Variants in CD163L1 observed in about 807,000 individuals in gnomAD.
CD163L1 encodes the protein scavenger receptor cysteine-rich type 1 protein M160.
A neutral mutation model predicts 165.4 loss-of-function variants in CD163L1; 124 were observed. That is an observed-to-expected ratio of 0.75 (90% CI 0.65 to 0.87). The LOEUF is 0.87. CD163L1 is among the 40% of genes least tolerant of loss of function. The pLI is 0.00. For synonymous variants in CD163L1, 585 were observed against 662.2 expected, an observed-to-expected ratio of 0.88 and a Z score of 1.79; for missense variants, 1,525 against 1,799.9, an observed-to-expected ratio of 0.85 and a Z score of 2.76.
the CD163L1 span, chr12:7,323,093 C>T: frequency 1.4e-5 from 10 of 738,710 alleles, no homozygotes; most frequent in Middle Eastern, 3.9e-4. Flanking sequence ...TTGAGAACTA[C>T]TGGTTTCAAA....
At chr12:7,392,746 C>T (rs987629201) in intron 8 of CD163L1, among the ~76,000 whole-genome samples, 1 of 152,120 alleles carries the variant, frequency 6.6e-6, no homozygotes, top group South Asian at 2.1e-4. Flanking sequence ...AATATCACCA[C>T]CAATCCCAAA....
the CD163L1 span, among the ~76,000 whole-genome samples, chr12:7,341,559 A>G: frequency 6.6e-6 from 1 of 152,234 alleles, no homozygotes; most frequent in Non-Finnish European, 1.5e-5. Context: ...AAATTTTTAC[A>G]ATCTGTATCT....
chr12:7,361,752 T>G (rs950392315), intron 18 of CD163L1, among the ~76,000 whole-genome samples: 1 of 152,202 alleles, frequency 6.6e-6, no homozygotes, highest in South Asian at 2.1e-4. Flanking sequence ...TTCTTTTCAA[T>G]GTGTTATTTA....
At position 7,433,618 on chromosome 12, in the gene CD163L1, T is replaced by C. The variant is rs1948668328; in HGVS notation, c.201A>G (p.Gly67=). The C allele has an allele frequency of 6.2e-7, 1 of 1,614,036 alleles. No individual in the cohort carries two copies. The highest frequency in any genetic ancestry group is 8.5e-7 in the Non-Finnish European group (1 of 1,179,970). ...CATCATCACACACAGTCCCCCACTG[T>C]CCCTGGAATTTCACCTCCACTGTCC... The part of the protein sequence containing the change: ...CSGTVEVKFQ[G]QWGTVCDDGW... The change falls in exon 3 of 20, where the codon GGA becomes GGG. Residue 67 remains glycine (G), a synonymous_variant. Coordinates refer to ENST00000313599, the MANE Select transcript of CD163L1 (RefSeq NM_174941.6).
At chr12:7,411,473 C>G (rs1418112012) in intron 4 of CD163L1, among the ~76,000 whole-genome samples, 1 of 152,130 alleles carries the variant, frequency 6.6e-6, no homozygotes, top group African/African-American at 2.4e-5. Flanking sequence ...GCTTTGTGCC[C>G]TCCCTGCAGT....
intron 4 of CD163L1, among the ~76,000 whole-genome samples, chr12:7,424,272 C>A (rs1353518577): frequency 2.5e-5 from 3 of 120,410 alleles, no homozygotes; most frequent in Non-Finnish European, 5.1e-5. Flanking sequence ...CAATAAAATT[C>A]AACATCCCTT....
intron 17 of CD163L1, 109 bp from the exon 18 acceptor site, chr12:7,367,440 C>G (rs998587402): frequency 1.7e-6 from 1 of 580,694 alleles, no homozygotes; most frequent in African/African-American, 1.8e-5. Flanking sequence ...GAGCTAAAAT[C>G]CAATGGCTCT....
Position 7,403,537 on chromosome 12 carries a change from G to T in CD163L1, c.1406C>A (p.Ser469Tyr), listed in dbSNP as rs1947953107. 3 of 1,610,120 alleles carry T rather than the reference G, an allele frequency of 1.9e-6. No individual in the cohort carries two copies. The highest frequency in any genetic ancestry group is 2.5e-6 in the Non-Finnish European group (3 of 1,178,078). The change falls in exon 6 of 20, where the codon TCT becomes TAT. Residue 469 changes from serine (S) to tyrosine (Y), a missense_variant and splice_region_variant. Physicochemically the swap from Ser to Tyr is moderately radical, Grantham distance 144. Transcript: ENST00000313599. Reference protein sequence around the residue: ...FRRSDAGVICSDKADLDLRLV... With the variant: ...FRRSDAGVICYDKADLDLRLV... ...CTCTCATGATCTTTGAACCTTACCA[G>T]AACAAATTACTCCAGCATCTGATCT...
Position 7,368,932 on chromosome 12 carries a change from C to T in CD163L1, c.4072+1G>A, listed in dbSNP as rs770990028. On this transcript the variant is annotated splice_donor_variant, in intron 16 of 19. Coordinates refer to ENST00000313599, the MANE Select transcript of CD163L1 (RefSeq NM_174941.6). LOFTEE classifies it high-confidence loss of function. This position sits in a 1 kb window ranked among gnomAD's most constrained non-coding sequence, Gnocchi z 4.3. ...CAGCACTGATAGGCAGAAGACTATA[C>T]CTGAGGAGGCATTCAGTGATTTCAG... 5 of 1,613,420 alleles carry T rather than the reference C, an allele frequency of 3.1e-6. No homozygotes were observed. Among genetic ancestry groups the T allele is most frequent in the East Asian group, 4.5e-5 (2 of 44,838 alleles).
At chr12:7,342,703 G>A (rs1314880861), downstream of CD163L1, among the ~76,000 whole-genome samples, 10 of 152,162 alleles carry the variant, frequency 6.6e-5, no homozygotes, top group Admixed American at 2.6e-4. Flanking sequence ...GCACGATCAC[G>A]GCTCACTGCA....
In CD163L1 at chr12:7,369,691, C is replaced by T; in HGVS notation, c.3731-26G>A. 1 of 1,592,660 alleles carries T rather than the reference C, an allele frequency of 6.3e-7. No homozygotes were observed. ...CTACAAAGGCACAAAACATGGCTGT[C>T]TTTACTCCTGAAGGAGGTTGTGGGA... On this transcript the variant is annotated intron_variant, in intron 14 of 19. Coordinates refer to ENST00000313599, the MANE Select transcript of CD163L1 (RefSeq NM_174941.6). The surrounding 1 kb of genome is among the most constrained non-coding windows in gnomAD (Gnocchi z 4.9).
the CD163L1 span, among the ~76,000 whole-genome samples, chr12:7,323,739 C>G: frequency 6.6e-6 from 1 of 152,084 alleles, no homozygotes; most frequent in African/African-American, 2.4e-5. Flanking sequence ...TGTAAGAAAC[C>G]AGTTGCAGTG....
chr12:7,377,211 TGACTCTCCCATGACCTTC>T (rs1231902564), intron 9 of CD163L1, among the ~76,000 whole-genome samples: 2 of 152,252 alleles, frequency 1.3e-5, no homozygotes, highest in African/African-American at 4.8e-5. Context: ...TGCATATAAC[TGACTCTCCCATGACCTTC>T]GAGTCTTTGT....
At chr12:7,382,623 G>T (rs930736700) in intron 8 of CD163L1, among the ~76,000 whole-genome samples, 13 of 152,148 alleles carry the variant, frequency 8.5e-5, no homozygotes, top group Non-Finnish European at 1.6e-4. Context: ...GCTTCTGTGG[G>T]CTCTGAGACT....
rs1017492886 is a variant in CD163L1, at chr12:7,433,668, C to G, written c.151G>C (p.Val51Leu). The change falls in exon 3 of 20, where the codon GTC (valine) becomes CTC (leucine). Residue 51 changes from valine (V) to leucine (L), a missense_variant. Coordinates refer to ENST00000313599, the MANE Select transcript of CD163L1 (RefSeq NM_174941.6). ...FNGTDLELRL[V>L]NGDGPCSGTV... is the part of the protein sequence containing the mutation. ...CCAGAGCAGGGACCGTCTCCATTGA[C>G]CAGCCTCAACTCCAAATCTGTTCCA... is the stretch of plus-strand genomic sequence containing the variant. 1.9e-6 allele frequency: 3 copies of G among 1,612,988 alleles called. No individual in the cohort carries two copies. The highest frequency in any genetic ancestry group is 2.7e-5 in the African/African-American group (2 of 74,896).
At chr12:7,427,589 T>C (rs1450343594) in intron 4 of CD163L1, among the ~76,000 whole-genome samples, 2 of 152,102 alleles carry the variant, frequency 1.3e-5, no homozygotes, top group Admixed American at 6.6e-5. Context: ...CTCATGGGTT[T>C]ACAGTTTTTC....
At position 7,400,166 on chromosome 12, in the gene CD163L1, C is replaced by T. The variant is rs866777003; in HGVS notation, c.1409-1582G>A. On this transcript the variant is annotated intron_variant, in intron 6 of 19. Transcript: ENST00000313599. This position sits in a 1 kb window ranked among gnomAD's most constrained non-coding sequence, Gnocchi z 4.1. ...TTAATCAAGACACAATTCTTGGTTA[C>T]CTATGTTATGGTTAATTTTTCATTT... 2.5e-4 allele frequency among the ~76,000 whole-genome samples: 38 copies of T among 152,186 alleles called. No homozygotes were observed. The Middle Eastern group carries it at 0.017, about 68-fold the overall frequency.
rs1422454723 is a variant in CD163L1, at chr12:7,400,054, GTA to G, written c.1409-1472_1409-1471del. On this transcript the variant is annotated intron_variant, in intron 6 of 19. Coordinates refer to ENST00000313599, the MANE Select transcript of CD163L1 (RefSeq NM_174941.6). The surrounding 1 kb of genome is among the most constrained non-coding windows in gnomAD (Gnocchi z 4.1). ...ATAATCTTACATTCTATTCAACCTA[GTA>G]TGTGTGTGTGTGTATTTTAAAACAT... 6.6e-6 allele frequency among the ~76,000 whole-genome samples: 1 copy of G among 152,034 alleles called. No homozygotes were observed. The highest frequency in any genetic ancestry group is 1.9e-4 in the East Asian group (1 of 5,190).
At chr12:7,430,759 C>G (rs1010711397) in intron 4 of CD163L1, among the ~76,000 whole-genome samples, 2 of 151,892 alleles carry the variant, frequency 1.3e-5, no homozygotes, top group Non-Finnish European at 2.9e-5. Flanking sequence ...AATGGATAAC[C>G]AAATTTAGCC....
Sources: allele counts gnomAD v4.1 joint callset (sites outside exome capture counted in the v4.1 genomes callset), GRCh38; gene constraint gnomAD v4.1.1; non-coding constraint Gnocchi (gnomAD v3.1); transcripts MANE v1.5; gene names NCBI Gene and HGNC (gene_info 2026-07-23, HGNC 2026-07-21).